The following MITF variants were observed in gnomAD, a reference collection of about 807,000 sequenced individuals.
MITF encodes melanocyte inducing transcription factor, also known as microphthalmia-associated transcription factor.
MITF carries 17 observed loss-of-function variants against 60.5 expected under a neutral mutation model. The observed-to-expected ratio is 0.28, with a 90% CI of 0.19 to 0.42. MITF has a LOEUF of 0.42. MITF is among the 10% of genes least tolerant of loss of function. The pLI, the probability that MITF is intolerant of heterozygous loss-of-function variation, is 1.00. For missense variants in MITF, 622 were observed against 683.5 expected, an observed-to-expected ratio of 0.91 and a Z score of 1.00; for synonymous variants, 260 against 248.5, an observed-to-expected ratio of 1.05 and a Z score of -0.43.
chr3:69,817,594 A>G (rs1280334213), intron 1 of MITF, among the ~76,000 whole-genome samples: 1 of 152,128 alleles, frequency 6.6e-6, no homozygotes, highest in Non-Finnish European at 1.5e-5. Context: ...CTGAGAAAAG[A>G]GATGGGAGGG....
chr3:69,823,342 C>T (rs529077821), intron 1 of MITF, among the ~76,000 whole-genome samples: 35 of 152,258 alleles, frequency 2.3e-4, no homozygotes, highest in African/African-American at 7.2e-4. Context: ...TTATTTTTCA[C>T]GGTTCTGAAG....
chr3:69,773,470 G>A lies in MITF; in HGVS notation c.104+33769G>A, dbSNP rs143705565. 2.2e-3 allele frequency among the ~76,000 whole-genome samples: 330 copies of A among 152,250 alleles called. 1 individual carries two copies. Among genetic ancestry groups the A allele is most frequent in the African/African-American group, 7.1e-3 (296 of 41,540 alleles). Reference sequence around the variant, plus strand: ...TGAATTTGGAGATCATGTAAACCACGGTTTTGTCACTAGGTAGGGGCAAAT... The same window carrying A: ...TGAATTTGGAGATCATGTAAACCACAGTTTTGTCACTAGGTAGGGGCAAAT... On this transcript the variant is annotated intron_variant, in intron 1 of 9. Coordinates refer to ENST00000352241, the MANE Select transcript of MITF (RefSeq NM_001354604.2).
chr3:69,963,755 G>C (rs962423369), intron 9 of MITF, among the ~76,000 whole-genome samples: 10 of 152,026 alleles, frequency 6.6e-5, no homozygotes, highest in South Asian at 2.1e-4. Flanking sequence ...GATATCATGT[G>C]GTTGAAAAGT....
intron 9 of MITF, among the ~76,000 whole-genome samples, chr3:69,964,555 G>T (rs2066635460): frequency 7.5e-6 from 1 of 133,792 alleles, no homozygotes; most frequent in South Asian, 2.5e-4. Flanking sequence ...TTGAAATGAA[G>T]CTGCAGATAT....
At chr3:69,955,859 T>C (rs1040388767) in intron 7 of MITF, among the ~76,000 whole-genome samples, 1 of 152,250 alleles carries the variant, frequency 6.6e-6, no homozygotes, top group East Asian at 1.9e-4. Flanking sequence ...ATGAAAAGTA[T>C]ATACAACGCA....
At chr3:69,807,223 T>G (rs1257736022) in intron 1 of MITF, among the ~76,000 whole-genome samples, 1 of 152,196 alleles carries the variant, frequency 6.6e-6, no homozygotes, top group Non-Finnish European at 1.5e-5. Flanking sequence ...TGTGGTACAT[T>G]ATAGCTTTCT....
At chr3:69,883,375 C>T (rs982711924) in intron 2 of MITF, among the ~76,000 whole-genome samples, 3 of 152,236 alleles carry the variant, frequency 2.0e-5, no homozygotes, top group Admixed American at 6.5e-5. Flanking sequence ...GAGATTCTAG[C>T]GAGGTGGGCT....
At chr3:69,882,331 T>C (rs968476832) in intron 2 of MITF, among the ~76,000 whole-genome samples, 1 of 152,130 alleles carries the variant, frequency 6.6e-6, no homozygotes, top group African/African-American at 2.4e-5. Context: ...TAATAATATA[T>C]GAATTTTCCT....
In MITF at chr3:69,879,402, T is replaced by TGTTG; in HGVS notation, c.354+25_354+28dup. 6.2e-7 allele frequency: 1 copy of TGTTG among 1,614,190 alleles called. No individual in the cohort carries two copies. The highest frequency in any genetic ancestry group is 2.2e-5 in the East Asian group (1 of 44,890). ...CCTTAAGGTACGTGAGTGTTGCTCT[T>TGTTG]GTTGGTTGGACCAAACTCTCTTCCA... On this transcript the variant is annotated intron_variant, in intron 2 of 9. Coordinates refer to ENST00000352241, the MANE Select transcript of MITF (RefSeq NM_001354604.2).
chr3:69,785,611 T>G (rs1027501966), intron 1 of MITF, among the ~76,000 whole-genome samples: 2 of 152,234 alleles, frequency 1.3e-5, no homozygotes, highest in Admixed American at 1.3e-4. Context: ...GGTTTTTGCT[T>G]TTTCCTTAAA....
chr3:69,763,766 T>G (rs760301743), intron 1 of MITF: 12 of 1,363,866 alleles, frequency 8.8e-6, no homozygotes, highest in Non-Finnish European at 1.2e-5. Context: ...TCCTTTTGCT[T>G]CTGACCTAAG....
chr3:69,754,953 G>A (rs1401683454), intron 1 of MITF, among the ~76,000 whole-genome samples: 1 of 152,080 alleles, frequency 6.6e-6, no homozygotes, highest in African/African-American at 2.4e-5. Flanking sequence ...AGAACAGTGG[G>A]GAGGAGGAGG....
At chr3:69,756,904 A>G (rs942598715) in intron 1 of MITF, among the ~76,000 whole-genome samples, 1 of 152,134 alleles carries the variant, frequency 6.6e-6, no homozygotes, top group Non-Finnish European at 1.5e-5. Flanking sequence ...TCTTTTTTAA[A>G]TATGTTTGTT....
chr3:69,827,940 T>G (rs370393051), intron 1 of MITF, among the ~76,000 whole-genome samples: 1 of 152,210 alleles, frequency 6.6e-6, no homozygotes, highest in East Asian at 1.9e-4. Flanking sequence ...AATAAATAGT[T>G]CTTCCTTCTG....
intron 1 of MITF, chr3:69,779,138 T>C (rs1384765741): frequency 6.6e-6 from 1 of 152,222 alleles, no homozygotes; most frequent in Non-Finnish European, 1.5e-5. Flanking sequence ...CAGAATTCTG[T>C]TGGTGACTGT....
chr3:69,753,725 G>T (rs1704022671), intron 1 of MITF, among the ~76,000 whole-genome samples: 1 of 152,220 alleles, frequency 6.6e-6, no homozygotes, highest in Admixed American at 6.5e-5. Context: ...CTGCCCTGCT[G>T]GGTTTTGGAC....
At chr3:69,878,148 T>C (rs1370601703) in intron 1 of MITF, among the ~76,000 whole-genome samples, 1 of 152,136 alleles carries the variant, frequency 6.6e-6, no homozygotes, top group East Asian at 1.9e-4. Context: ...AAAATATACA[T>C]GATGCTATAG....
intron 1 of MITF, among the ~76,000 whole-genome samples, chr3:69,784,108 A>G (rs1246012119): frequency 1.3e-5 from 2 of 152,138 alleles, no homozygotes; most frequent in Admixed American, 6.6e-5. Flanking sequence ...TCACAATTCC[A>G]TCTTTTCCTT....
At chr3:69,943,353 T>C (rs1576016464) in intron 5 of MITF, among the ~76,000 whole-genome samples, 1 of 152,006 alleles carries the variant, frequency 6.6e-6, no homozygotes, top group African/African-American at 2.4e-5. Context: ...AGATCTGGGG[T>C]CAAACCCTGA....
Sources: gnomAD v4.1 joint callset for allele counts (sites outside exome capture counted in the v4.1 genomes callset) on GRCh38, gnomAD v4.1.1 for gene constraint, MANE v1.5 for transcripts, NCBI Gene and HGNC (gene_info 2026-07-23, HGNC 2026-07-21) for gene names.